The following HERC4 variants were observed in gnomAD, a reference collection of about 807,000 sequenced individuals.
HERC4 encodes HECT and RLD domain containing E3 ubiquitin protein ligase 4.
Under a neutral mutation model 124.3 loss-of-function variants are expected in HERC4, and 28 were observed. The ratio of observed to expected loss-of-function variants is 0.23; its 90% CI spans 0.17 to 0.31. The LOEUF (loss-of-function observed/expected upper bound fraction) is 0.31, where lower values mean the gene tolerates loss of function less well. Ranked by LOEUF, HERC4 falls within the 10% of genes least tolerant of loss-of-function variation. HERC4 has a pLI of 1.00. For synonymous variants in HERC4, 407 were observed against 421.5 expected, an observed-to-expected ratio of 0.97 and a Z score of 0.42; for missense variants, 713 against 1,229.3, an observed-to-expected ratio of 0.58 and a Z score of 6.28.
At chr10:68,037,399 C>T (rs1185967428) in intron 5 of HERC4, among the ~76,000 whole-genome samples, 1 of 152,018 alleles carries the variant, frequency 6.6e-6, no homozygotes, top group African/African-American at 2.4e-5. Context: ...CCCAGCAAAC[C>T]TATTTATTTT....
Position 68,014,143 on chromosome 10 carries a change from A to C in HERC4, c.952T>G (p.Ser318Ala), listed in dbSNP as rs368625037. The change falls in exon 9 of 25, where the codon TCT becomes GCT. Residue 318 changes from serine to alanine, a missense_variant. Transcript: ENST00000373700. ...TGCCCATTACCACCAAGCCCAAAAG[A>C]GTAAATTCGTCCTGATGAAGGAACA... ...AFVPSSGRIY[S>A]FGLGGNGQLG... 6 of 1,613,314 alleles carry C rather than the reference A, an allele frequency of 3.7e-6. No homozygotes were observed. The highest frequency in any genetic ancestry group is 5.1e-6 in the Non-Finnish European group (6 of 1,179,774).
At chr10:67,985,636 T>C (rs1269292371) in intron 15 of HERC4, among the ~76,000 whole-genome samples, 2 of 152,216 alleles carry the variant, frequency 1.3e-5, no homozygotes. Context: ...GGCTTCTCTT[T>C]TGGCATACCA....
At chr10:68,034,225 C>T in intron 5 of HERC4, 39 bp from the exon 6 acceptor site, 1 of 1,443,098 alleles carries the variant, frequency 6.9e-7, no homozygotes, top group Non-Finnish European at 9.6e-7. Flanking sequence ...ATTTTTCTCA[C>T]ATGCAAAAAA....
chr10:68,044,693 T>A (rs941954990), intron 3 of HERC4, 130 bp from the exon 4 acceptor site: 93 of 777,304 alleles, frequency 1.2e-4, no homozygotes, highest in South Asian at 6.4e-4. Context: ...GCTAAAGAAA[T>A]GCTTAAACAC....
chr10:67,997,292 ATC>A (rs1256254288), intron 9 of HERC4, among the ~76,000 whole-genome samples: 6 of 152,198 alleles, frequency 3.9e-5, no homozygotes, highest in African/African-American at 9.6e-5. Context: ...ATAGCAAATA[ATC>A]TGTTTTATTA....
At chr10:67,997,858 A>C (rs2036981729) in intron 9 of HERC4, among the ~76,000 whole-genome samples, 1 of 152,144 alleles carries the variant, frequency 6.6e-6, no homozygotes, top group South Asian at 2.1e-4. Context: ...CATAGGTTCC[A>C]TATTTGCAGA....
At chr10:68,068,412 G>C (rs1167561940) in intron 3 of HERC4, 1 of 150,936 alleles carries the variant, frequency 6.6e-6, no homozygotes, top group Admixed American at 6.7e-5. Context: ...ACTTGAACCT[G>C]GGAGGTGGAG....
chr10:67,985,029 G>A (rs776034951), intron 15 of HERC4, among the ~76,000 whole-genome samples: 6 of 152,100 alleles, frequency 3.9e-5, no homozygotes, highest in African/African-American at 9.7e-5. Flanking sequence ...TGATATATAC[G>A]TTTTTGAAAA....
intron 19 of HERC4, among the ~76,000 whole-genome samples, chr10:67,952,437 C>T (rs1427421146): frequency 3.9e-5 from 6 of 152,024 alleles, no homozygotes; most frequent in African/African-American, 1.4e-4. Flanking sequence ...GCATGTACCA[C>T]CACGCCCAGC....
intron 19 of HERC4, among the ~76,000 whole-genome samples, chr10:67,944,924 CAAGA>C (rs1256004524): frequency 6.6e-6 from 1 of 152,038 alleles, no homozygotes; most frequent in African/African-American, 2.4e-5. Context: ...AAAGAAAAAA[CAAGA>C]AAGAATGAAG....
intron 3 of HERC4, among the ~76,000 whole-genome samples, chr10:68,048,015 C>A (rs1286831588): frequency 6.6e-6 from 1 of 151,842 alleles, no homozygotes; most frequent in Non-Finnish European, 1.5e-5. Flanking sequence ...GCCTCCCAGG[C>A]TCAAGCAATC....
chr10:68,065,595 T>A (rs1317083508), intron 3 of HERC4, among the ~76,000 whole-genome samples: 1 of 151,910 alleles, frequency 6.6e-6, no homozygotes, highest in Non-Finnish European at 1.5e-5. Flanking sequence ...TAATAAGGCC[T>A]GGCGTGGTGG....
intron 7 of HERC4, among the ~76,000 whole-genome samples, chr10:68,029,170 C>T (rs1344569464): frequency 1.3e-5 from 2 of 151,944 alleles, no homozygotes; most frequent in African/African-American, 4.8e-5. Context: ...AGTGAGACCC[C>T]CATCTCAGAA....
At chr10:67,986,811 G>A (rs1316837449) in intron 15 of HERC4, among the ~76,000 whole-genome samples, 4 of 152,070 alleles carry the variant, frequency 2.6e-5, no homozygotes, top group African/African-American at 4.8e-5. Context: ...TTAGAAATAT[G>A]ATCTTTTTGA....
intron 15 of HERC4, among the ~76,000 whole-genome samples, chr10:67,987,188 G>A (rs1308794608): frequency 1.3e-5 from 2 of 152,108 alleles, no homozygotes; most frequent in African/African-American, 4.8e-5. Flanking sequence ...CCTTAGTTGA[G>A]ACTGAAGTTA....
chr10:68,051,167 TGATA>T (rs1047458187), intron 3 of HERC4, among the ~76,000 whole-genome samples: 3 of 151,670 alleles, frequency 2.0e-5, no homozygotes, highest in African/African-American at 4.8e-5. Context: ...TTGAATCCTT[TGATA>T]AATAAGGGCT....
intron 3 of HERC4, among the ~76,000 whole-genome samples, chr10:68,059,133 A>T (rs938340754): frequency 3.6e-4 from 55 of 152,148 alleles, no homozygotes; most frequent in Non-Finnish European, 6.3e-4. Flanking sequence ...AACTGTCTTT[A>T]AAAAAAGTTA....
intron 3 of HERC4, among the ~76,000 whole-genome samples, chr10:68,064,075 TC>T (rs1264503448): frequency 6.6e-6 from 1 of 152,018 alleles, no homozygotes; most frequent in Non-Finnish European, 1.5e-5. Context: ...AAACTCCACC[TC>T]TACTAAAAAT....
intron 4 of HERC4, among the ~76,000 whole-genome samples, chr10:68,043,436 T>C (rs1412661734): frequency 6.6e-6 from 1 of 152,252 alleles, no homozygotes; most frequent in Admixed American, 6.5e-5. Flanking sequence ...TGAGTTAATG[T>C]ATTATTTATG....
Sources: allele counts gnomAD v4.1 joint callset (sites outside exome capture counted in the v4.1 genomes callset), GRCh38; gene constraint gnomAD v4.1.1; transcripts MANE v1.5; gene names NCBI Gene and HGNC (gene_info 2026-07-23, HGNC 2026-07-21).